The following ASZ1 variants were observed in gnomAD, a reference collection of about 807,000 sequenced individuals.
The protein encoded by ASZ1 is ankyrin repeat, SAM and basic leucine zipper domain containing 1.
Under a neutral mutation model 61.8 loss-of-function variants are expected in ASZ1, and 67 were observed. The observed-to-expected ratio is 1.08, with a 90% CI of 0.89 to 1.33. The LOEUF is 1.33. ASZ1 is among the 40% of genes most tolerant of loss of function. The pLI, the probability that ASZ1 is intolerant of heterozygous loss-of-function variation, is 0.00. For missense variants in ASZ1, 577 were observed against 554.5 expected, an observed-to-expected ratio of 1.04 and a Z score of -0.41; for synonymous variants, 193 against 192.7, an observed-to-expected ratio of 1.00 and a Z score of -0.01.
At chr7:117,413,267 C>T (rs1259101619) in intron 4 of ASZ1, among the ~76,000 whole-genome samples, 1 of 151,916 alleles carries the variant, frequency 6.6e-6, no homozygotes, top group Admixed American at 6.6e-5. Context: ...TGTAAATACC[C>T]TTATCAAACC....
At chr7:117,368,886 A>G (rs1298496802) in intron 10 of ASZ1, among the ~76,000 whole-genome samples, 169 bp from the exon 11 acceptor site, 1 of 152,188 alleles carries the variant, frequency 6.6e-6, no homozygotes, top group Non-Finnish European at 1.5e-5. Flanking sequence ...TTATAAAAGA[A>G]AAACAAACCT....
chr7:117,391,869 T>C (rs1353696781), intron 4 of ASZ1, among the ~76,000 whole-genome samples: 1 of 152,130 alleles, frequency 6.6e-6, no homozygotes, highest in Admixed American at 6.6e-5. Flanking sequence ...CTCGGGTCAA[T>C]GCAATGTCTG....
At chr7:117,405,995 T>C in intron 4 of ASZ1, among the ~76,000 whole-genome samples, 1 of 152,214 alleles carries the variant, frequency 6.6e-6, no homozygotes, top group South Asian at 2.1e-4. Flanking sequence ...GATGCCCTTC[T>C]TAGATAAGAA....
At chr7:117,378,167 G>C (rs916997598) in intron 10 of ASZ1, among the ~76,000 whole-genome samples, 6 of 151,992 alleles carry the variant, frequency 3.9e-5, no homozygotes, top group Non-Finnish European at 7.4e-5. Flanking sequence ...CAAAAGTACT[G>C]TTCTGTAAAG....
chr7:117,405,302 A>T (rs968312775), intron 4 of ASZ1, among the ~76,000 whole-genome samples: 6 of 152,372 alleles, frequency 3.9e-5, no homozygotes, highest in South Asian at 2.1e-4. Context: ...CACAGGCAGG[A>T]CAGTTAGGTC....
In ASZ1 at chr7:117,385,777, C is replaced by T. The variant is rs777814813; in HGVS notation, c.473G>A (p.Arg158Gln). ...AGCAACAACCTGGGTGTGACCATCTCGAGCAGCATACATGATTGGGGTCAT... is the reference window on the plus strand; with the variant it reads ...AGCAACAACCTGGGTGTGACCATCTTGAGCAGCATACATGATTGGGGTCAT... The part of the protein sequence containing the change: ...RLMTPIMYAA[R>Q]DGHTQVVALL... Residue 158 changes from arginine (R) to glutamine (Q), a missense_variant, in exon 5 of 13, where the codon CGA becomes CAA. Arg to Gln is a conservative substitution (Grantham distance 43). Coordinates refer to ENST00000284629, the MANE Select transcript of ASZ1 (RefSeq NM_130768.3). 2.5e-6 allele frequency: 4 copies of T among 1,613,498 alleles called. No individual in the cohort carries two copies. Among genetic ancestry groups the T allele is most frequent in the Non-Finnish European group, 3.4e-6 (4 of 1,179,656 alleles).
At chr7:117,375,031 T>C (rs780080834) in intron 10 of ASZ1, among the ~76,000 whole-genome samples, 6 of 151,918 alleles carry the variant, frequency 3.9e-5, no homozygotes, top group Non-Finnish European at 7.4e-5. Context: ...ATCCTCAAAG[T>C]TGGGGAGAGA....
At chr7:117,374,532 G>A (rs1373151819) in intron 10 of ASZ1, among the ~76,000 whole-genome samples, 1 of 151,970 alleles carries the variant, frequency 6.6e-6, no homozygotes, top group African/African-American at 2.4e-5. Context: ...CTACTAACAT[G>A]TAAGGTAGTT....
In ASZ1 at chr7:117,367,355, T is replaced by C. The variant is rs1795961877; in HGVS notation, c.1272A>G (p.Gln424=). The C allele has an allele frequency of 1.3e-6, 2 of 1,524,080 alleles. No individual in the cohort carries two copies. The highest frequency in any genetic ancestry group is 1.3e-5 in the South Asian group (1 of 74,916). 94.4% of individuals were successfully genotyped at this position (1,524,080 alleles called of 1,614,324 possible). The change falls in exon 12 of 13, where the codon CAA becomes CAG. Residue 424 remains glutamine (Q), a synonymous_variant. Coordinates refer to ENST00000284629, the MANE Select transcript of ASZ1 (RefSeq NM_130768.3). ...CCTTTTAATGTTAAATATATACCTTTTGAATTAGGTCTTTTAGTTTGCAGA... is the reference window on the plus strand; with the variant it reads ...CCTTTTAATGTTAAATATATACCTTCTGAATTAGGTCTTTTAGTTTGCAGA... ...EKVCKLKDLI[Q]KLQNERENDP...
intron 6 of ASZ1, among the ~76,000 whole-genome samples, chr7:117,383,316 A>G (rs1191650980): frequency 1.3e-5 from 2 of 152,050 alleles, no homozygotes; most frequent in Non-Finnish European, 2.9e-5. Flanking sequence ...GGTACATGCG[A>G]TATTTTGATA....
intron 2 of ASZ1, among the ~76,000 whole-genome samples, chr7:117,425,977 G>T (rs1481665692): frequency 6.6e-6 from 1 of 151,482 alleles, no homozygotes; most frequent in Non-Finnish European, 1.5e-5. Context: ...CAGGGCTAGA[G>T]AGAGACACTC....
chr7:117,422,088 C>T (rs1797108465), intron 3 of ASZ1, 149 bp downstream of exon 3: 1 of 803,286 alleles, frequency 1.2e-6, no homozygotes, highest in East Asian at 3.0e-5. Context: ...TGTATGGTTT[C>T]TAATTTGATT....
At chr7:117,365,491 ACC>A (rs1795918303) in intron 12 of ASZ1, among the ~76,000 whole-genome samples, 1 of 152,174 alleles carries the variant, frequency 6.6e-6, no homozygotes, top group Non-Finnish European at 1.5e-5. Context: ...ACACACCCTT[ACC>A]CCTCACCCCC....
intron 4 of ASZ1, among the ~76,000 whole-genome samples, chr7:117,417,838 T>G (rs896567365): frequency 2.0e-5 from 3 of 152,238 alleles, no homozygotes; most frequent in Admixed American, 6.5e-5. Flanking sequence ...CTAATTATTT[T>G]AGAGAGTTGA....
rs745711180 is a variant in ASZ1 at position 117,427,306 on chromosome 7, C to T, written c.105+50G>A. On this transcript the variant is annotated intron_variant, in intron 1 of 12. Transcript: ENST00000284629. Reference sequence around the variant, plus strand: ...CGAGGCTGGGCCTCGCCTTCGAGGGCCAGGGGAGGCTGAAACCAGGTGTGG... The same window carrying T: ...CGAGGCTGGGCCTCGCCTTCGAGGGTCAGGGGAGGCTGAAACCAGGTGTGG... 4 of 1,588,914 alleles carry T rather than the reference C, an allele frequency of 2.5e-6. No homozygotes were observed. In the South Asian group the frequency reaches 3.3e-5, roughly 13 times the overall value.
chr7:117,375,836 G>A (rs1666806132), intron 10 of ASZ1, among the ~76,000 whole-genome samples: 1 of 152,030 alleles, frequency 6.6e-6, no homozygotes, highest in Admixed American at 6.6e-5. Flanking sequence ...AAGCAGTGCT[G>A]AGAGGGAAAT....
chr7:117,382,957 T>G, intron 7 of ASZ1, 29 bp downstream of exon 7: 1 of 1,508,878 alleles, frequency 6.6e-7, no homozygotes, highest in East Asian at 2.5e-5. Flanking sequence ...CTTATAGGTA[T>G]TCTGTTGAAC....
At chr7:117,395,797 T>TCCCC (rs1796567023) in intron 4 of ASZ1, among the ~76,000 whole-genome samples, 1 of 152,196 alleles carries the variant, frequency 6.6e-6, no homozygotes, top group African/African-American at 2.4e-5. Context: ...AATAGTTTAA[T>TCCCC]TAGAGGCATA....
At chr7:117,367,058 T>TA (rs1279247603) in intron 12 of ASZ1, among the ~76,000 whole-genome samples, 1 of 152,230 alleles carries the variant, frequency 6.6e-6, no homozygotes, top group African/African-American at 2.4e-5. Context: ...AAAGGGCTTG[T>TA]GTTCTCACAT....
Sources: gnomAD v4.1 joint callset for allele counts (sites outside exome capture counted in the v4.1 genomes callset) on GRCh38, gnomAD v4.1.1 for gene constraint, MANE v1.5 for transcripts, NCBI Gene and HGNC (gene_info 2026-07-23, HGNC 2026-07-21) for gene names.